KIAA1217: variants seen among roughly 807,000 people sequenced by gnomAD.
KIAA1217 encodes the protein KIAA1217, also known as sickle tail protein homolog.
Under a neutral mutation model 163.9 loss-of-function variants are expected in KIAA1217, and 88 were observed. That is an observed-to-expected ratio of 0.54 (90% CI 0.45 to 0.64). KIAA1217 has a LOEUF of 0.64. Ranked by LOEUF, KIAA1217 falls within the 30% of genes least tolerant of loss-of-function variation. The pLI is 0.00. For missense variants in KIAA1217, 2,372 were observed against 2,475.0 expected (o/e 0.96, Z 0.88); for synonymous variants, 903 against 923.1 (o/e 0.98, Z 0.39).
chr10:24,032,688 A>T (rs1048892543), intron 2 of KIAA1217, among the ~76,000 whole-genome samples: 1 of 152,200 alleles, frequency 6.6e-6, no homozygotes, highest in Non-Finnish European at 1.5e-5. Flanking sequence ...CTCAGGGATA[A>T]ATCTGAATAT....
intron 1 of KIAA1217, among the ~76,000 whole-genome samples, chr10:23,745,063 G>A (rs564471424): frequency 2.6e-5 from 4 of 152,292 alleles, no homozygotes; most frequent in East Asian, 3.9e-4. Flanking sequence ...TGGGGACCAT[G>A]GGCCAGTCAT....
intron 1 of KIAA1217, among the ~76,000 whole-genome samples, chr10:23,962,330 TTC>T (rs2131374763): frequency 6.6e-6 from 1 of 152,348 alleles, no homozygotes; most frequent in African/African-American, 2.4e-5. Context: ...TCATTGAATG[TTC>T]TGAGGCTTAA....
intron 2 of KIAA1217, among the ~76,000 whole-genome samples, chr10:24,025,093 C>G (rs1419777285): frequency 6.6e-6 from 1 of 151,572 alleles, no homozygotes; most frequent in East Asian, 1.9e-4. Context: ...TCAGTGTAAC[C>G]TAAAGTCACA....
chr10:24,401,949 C>A (rs1435775246), intron 3 of KIAA1217, among the ~76,000 whole-genome samples: 1 of 152,166 alleles, frequency 6.6e-6, no homozygotes, highest in Non-Finnish European at 1.5e-5. Flanking sequence ...GTACCATTTA[C>A]AGTTGCTCCA....
Position 24,219,886 on chromosome 10 carries a change from C to G in KIAA1217, c.331C>G (p.His111Asp). 1 of 1,605,960 alleles carries G rather than the reference C, an allele frequency of 6.2e-7. No homozygotes were observed. Among genetic ancestry groups the G allele is most frequent in the Non-Finnish European group, 8.5e-7 (1 of 1,175,678 alleles). The change falls in exon 2 of 21, where the codon CAC becomes GAC. Residue 111 changes from histidine to aspartate, a missense_variant. Around this residue, in one of 3 missense-constraint regions of KIAA1217, gnomAD observed 1,431 missense variants for 1,470.3 expected, o/e 0.97. Transcript: ENST00000376454. ...YPHHASAIMGHQERLRDQTRS... is the reference protein window; with the variant it reads ...YPHHASAIMGDQERLRDQTRS... ...CCACCACGCCTCTGCAATCATGGGT[C>G]ACCAAGAGAGGCTGAGAGACCAGGT... is the stretch of plus-strand genomic sequence containing the variant.
chr10:24,032,213 A>T (rs1277497817), intron 2 of KIAA1217, among the ~76,000 whole-genome samples: 1 of 152,154 alleles, frequency 6.6e-6, no homozygotes, highest in East Asian at 1.9e-4. Flanking sequence ...ACAGTCAAAG[A>T]ATTAATAAGC....
chr10:24,494,986 C>G (rs1592391268), intron 7 of KIAA1217, 161 bp from the exon 8 acceptor site: 3 of 629,044 alleles, frequency 4.8e-6, no homozygotes, highest in South Asian at 2.1e-5. Context: ...ACCTGGGAAG[C>G]CTTTTCCATC....
intron 3 of KIAA1217, among the ~76,000 whole-genome samples, chr10:24,424,737 G>A (rs1460355165): frequency 6.6e-6 from 1 of 152,142 alleles, no homozygotes; most frequent in Non-Finnish European, 1.5e-5. Flanking sequence ...CGAGTAGCTG[G>A]GATTAGAGGC....
At chr10:24,436,673 C>G (rs541824728) in intron 4 of KIAA1217, among the ~76,000 whole-genome samples, 18 of 135,128 alleles carry the variant, frequency 1.3e-4, no homozygotes, top group South Asian at 5.1e-4. Context: ...CAGGAGAATG[C>G]TGTGAACCCG....
intron 2 of KIAA1217, among the ~76,000 whole-genome samples, chr10:24,059,943 G>A (rs1373136240): frequency 1.3e-5 from 2 of 152,114 alleles, no homozygotes; most frequent in African/African-American, 4.8e-5. Flanking sequence ...TTTCATCTAG[G>A]TTATCCAATT....
intron 2 of KIAA1217, among the ~76,000 whole-genome samples, chr10:24,248,585 C>T (rs558836297): frequency 1.5e-3 from 220 of 143,516 alleles, no homozygotes; most frequent in African/African-American, 5.3e-3. Context: ...ACAGGAGAAT[C>T]GCTTGAACTT....
chr10:24,477,058 C>T (rs532268346), intron 6 of KIAA1217, among the ~76,000 whole-genome samples: 1 of 152,302 alleles, frequency 6.6e-6, no homozygotes, highest in South Asian at 2.1e-4. Context: ...ACATGCTTCC[C>T]CCATTGTTTC....
intron 2 of KIAA1217, among the ~76,000 whole-genome samples, chr10:24,102,159 A>C (rs2131720432): frequency 6.6e-6 from 1 of 152,326 alleles, no homozygotes; most frequent in South Asian, 2.1e-4. Context: ...AAGAACCAAA[A>C]AAATGTCCTG....
rs555198206 is a variant in KIAA1217, at chr10:24,112,354, C to A, written c.-171+104980C>A. Among the ~76,000 whole-genome samples, 4 of 152,124 alleles carry A rather than the reference C, an allele frequency of 2.6e-5. No individual in the cohort carries two copies. In the East Asian group the frequency reaches 7.7e-4, roughly 29 times the overall value. ...CACCCAGGAACAGATGGTCATGAGG[C>A]CAAGATGTTTTATTTCTGTGCGAAC... On this transcript the variant is annotated intron_variant, in intron 2 of 18. Coordinates refer to the KIAA1217 transcript ENST00000376462.
chr10:24,428,809 A>ACCACTGC (rs1338964118), intron 3 of KIAA1217, among the ~76,000 whole-genome samples: 3 of 151,440 alleles, frequency 2.0e-5, no homozygotes. Context: ...CTATGATCAT[A>ACCACTGC]CCACTGCACT....
At chr10:24,208,913 C>T, upstream of KIAA1217, 1 of 402,506 alleles carries the variant, frequency 2.5e-6, no homozygotes, top group Non-Finnish European at 4.5e-6. Context: ...AGCCCAGCCC[C>T]CAGTCCCCGG....
At chr10:24,434,494 T>C (rs11593700) in intron 4 of KIAA1217, among the ~76,000 whole-genome samples, 40,451 of 152,080 alleles carry the variant, frequency 0.27, 5,823 homozygotes, top group African/African-American at 0.39. Flanking sequence ...CATGCCACCA[T>C]ATCTGGCTAA....
Position 24,473,291 on chromosome 10 carries a change from G to C in KIAA1217, c.910G>C (p.Ala304Pro). 6.5e-7 allele frequency: 1 copy of C among 1,535,114 alleles called. No individual in the cohort carries two copies. The highest frequency in any genetic ancestry group is 1.4e-5 in the African/African-American group (1 of 72,540). ...GPGAPRPGSTAHPPHAIPNSP... is the reference protein window; with the variant it reads ...GPGAPRPGSTPHPPHAIPNSP... ...TGGGGCCCCTCGCCCCGGATCTACT[G>C]CTCATCCACCCCATGCGATTCCAAA... is the stretch of plus-strand genomic sequence containing the variant. Residue 304 changes from alanine (A) to proline (P), a missense_variant, in exon 6 of 21, where the codon GCT becomes CCT. Ala to Pro is a conservative substitution (Grantham distance 27). This residue lies in a region of KIAA1217 where 1,431 missense variants were observed against 1,470.3 expected (regional missense o/e 0.97). Coordinates refer to ENST00000376454, the MANE Select transcript of KIAA1217 (RefSeq NM_019590.5).
chr10:24,454,458 C>G (rs1260654300), intron 5 of KIAA1217, among the ~76,000 whole-genome samples: 1 of 152,118 alleles, frequency 6.6e-6, no homozygotes, highest in Non-Finnish European at 1.5e-5. Context: ...TTTCACGCAC[C>G]CTTGATAGAG....
Sources: gnomAD v4.1 joint callset for allele counts (sites outside exome capture counted in the v4.1 genomes callset) on GRCh38, gnomAD v4.1.1 for gene constraint, gnomAD v4.1.1 regional missense constraint, MANE v1.5 for transcripts, NCBI Gene and HGNC (gene_info 2026-07-23, HGNC 2026-07-21) for gene names.